The following TMTC2 variants were observed in gnomAD, a reference collection of about 807,000 sequenced individuals.
The protein encoded by TMTC2 is protein O-mannosyl-transferase TMTC2.
A neutral mutation model predicts 82.4 loss-of-function variants in TMTC2; 43 were observed. That is an observed-to-expected ratio of 0.52 (90% confidence interval 0.41 to 0.67). The LOEUF is 0.67. TMTC2 is among the 30% of genes least tolerant of loss of function. The pLI is 0.00. For synonymous variants in TMTC2, 408 were observed against 381.9 expected (o/e 1.07, Z -0.80); for missense variants, 919 against 1,012.4 (o/e 0.91, Z 1.25).
chr12:83,088,966 T>C (rs1277067198), intron 11 of TMTC2, among the ~76,000 whole-genome samples: 2 of 152,188 alleles, frequency 1.3e-5, no homozygotes, highest in Non-Finnish European at 2.9e-5. Flanking sequence ...AGAAAATACC[T>C]TTTTAGTTAG....
At chr12:83,072,500 G>A (rs1345095656) in intron 11 of TMTC2, among the ~76,000 whole-genome samples, 1 of 152,126 alleles carries the variant, frequency 6.6e-6, no homozygotes, top group Non-Finnish European at 1.5e-5. Context: ...GTAATGTTCT[G>A]TATATATCTG....
rs181511506 is a variant in TMTC2, at chr12:82,869,850, T to A, written c.654+12270T>A. ...TGAGACCCTGTCTCAAAAAAAAAAA[T>A]AAATAAAAAATAAAAATAAAAAAAA... On this transcript the variant is annotated intron_variant, in intron 2 of 11. Transcript: ENST00000321196. Among the ~76,000 whole-genome samples, 1,041 of 148,432 alleles carry A rather than the reference T, an allele frequency of 7.0e-3. 14 individuals are homozygous for A. The highest frequency in any genetic ancestry group is 0.024 in the African/African-American group (979 of 40,268).
chr12:83,119,833 A>G (rs1884891443), intron 11 of TMTC2, among the ~76,000 whole-genome samples: 1 of 152,112 alleles, frequency 6.6e-6, no homozygotes, highest in Admixed American at 6.5e-5. Context: ...GTGTAAGTGC[A>G]TATATGTTTA....
chr12:83,118,334 A>AAT (rs1353018278), intron 11 of TMTC2, among the ~76,000 whole-genome samples: 3 of 152,088 alleles, frequency 2.0e-5, no homozygotes, highest in African/African-American at 7.2e-5. Context: ...TACTACATTG[A>AAT]GGTATGTCCT....
intron 1 of TMTC2, among the ~76,000 whole-genome samples, chr12:82,740,080 T>C (rs1875320396): frequency 6.6e-6 from 1 of 152,130 alleles, no homozygotes; most frequent in Non-Finnish European, 1.5e-5. Flanking sequence ...CAATTGAATA[T>C]ATATTCAGAT....
At chr12:82,959,883 C>G (rs184365465) in intron 4 of TMTC2, among the ~76,000 whole-genome samples, 1 of 130,096 alleles carries the variant, frequency 7.7e-6, no homozygotes, top group East Asian at 1.9e-4. Context: ...ACAGAGTAAA[C>G]AGACAGCCTA....
chr12:82,988,009 C>T (rs1879239744), intron 8 of TMTC2, among the ~76,000 whole-genome samples: 1 of 152,130 alleles, frequency 6.6e-6, no homozygotes, highest in African/African-American at 2.4e-5. Flanking sequence ...AAAACTTTTG[C>T]TGAAGAAGTT....
intron 1 of TMTC2, chr12:82,690,484 A>G (rs1440490437): frequency 1.5e-5 from 13 of 857,976 alleles, no homozygotes; most frequent in Non-Finnish European, 1.8e-5. Flanking sequence ...TATAAACTAT[A>G]TATAATTTCT....
chr12:83,017,777 C>T (rs532433120), intron 8 of TMTC2, among the ~76,000 whole-genome samples: 37 of 149,460 alleles, frequency 2.5e-4, no homozygotes, highest in Middle Eastern at 6.8e-3. Flanking sequence ...TGCAACCAGT[C>T]ATGTTCAGTT....
intron 4 of TMTC2, among the ~76,000 whole-genome samples, chr12:82,947,567 T>C (rs1381945699): frequency 6.6e-6 from 1 of 151,544 alleles, no homozygotes; most frequent in East Asian, 1.9e-4. Flanking sequence ...CCTGACCTGG[T>C]GATCCGCCTG....
chr12:83,092,553 G>A (rs1288373605), intron 11 of TMTC2, among the ~76,000 whole-genome samples: 1 of 152,120 alleles, frequency 6.6e-6, no homozygotes, highest in East Asian at 1.9e-4. Flanking sequence ...GAAAGAAAAG[G>A]AAACCAGATT....
chr12:83,036,420 A>G (rs1881663974), intron 9 of TMTC2, among the ~76,000 whole-genome samples: 1 of 150,910 alleles, frequency 6.6e-6, no homozygotes, highest in South Asian at 2.1e-4. Context: ...TTAGAATGCT[A>G]CTACTGTACA....
At chr12:83,103,710 A>G (rs569656125) in intron 11 of TMTC2, among the ~76,000 whole-genome samples, 14 of 152,200 alleles carry the variant, frequency 9.2e-5, no homozygotes, top group Non-Finnish European at 2.1e-4. Context: ...CCCAAATTTC[A>G]TGTCCTTCTC....
intron 3 of TMTC2, among the ~76,000 whole-genome samples, chr12:82,912,806 T>TGC (rs1161620460): frequency 3.3e-5 from 5 of 151,866 alleles, no homozygotes; most frequent in African/African-American, 1.2e-4. Context: ...AGTGTGGTGG[T>TGC]GCATACCTGT....
chr12:82,792,141 C>A (rs1006541486), intron 1 of TMTC2, among the ~76,000 whole-genome samples: 11 of 152,012 alleles, frequency 7.2e-5, no homozygotes, highest in Non-Finnish European at 1.6e-4. Context: ...TCAGATGTGT[C>A]CACTTTTGCT....
chr12:83,014,252 T>G (rs1880577626), intron 8 of TMTC2, among the ~76,000 whole-genome samples: 1 of 152,182 alleles, frequency 6.6e-6, no homozygotes, highest in Admixed American at 6.5e-5. Flanking sequence ...AACCTCTGCC[T>G]TCTGCACTCA....
At chr12:82,885,741 A>C (rs1437585085) in intron 2 of TMTC2, among the ~76,000 whole-genome samples, 1 of 152,136 alleles carries the variant, frequency 6.6e-6, no homozygotes, top group Admixed American at 6.5e-5. Flanking sequence ...ACAAGGGTAC[A>C]TACTGTCAAC....
chr12:82,860,049 C>T (rs1871459391), intron 2 of TMTC2, among the ~76,000 whole-genome samples: 1 of 152,176 alleles, frequency 6.6e-6, no homozygotes, highest in Non-Finnish European at 1.5e-5. Context: ...TCTCAGCTCA[C>T]TGCAACCTCT....
At chr12:82,924,029 G>A (rs74106185) in intron 3 of TMTC2, among the ~76,000 whole-genome samples, 10,100 of 152,256 alleles carry the variant, frequency 0.066, 1,093 homozygotes, top group African/African-American at 0.23. Context: ...GATAAACACA[G>A]CATTGTGGAG....
Sources: gnomAD v4.1 joint callset for allele counts (sites outside exome capture counted in the v4.1 genomes callset) on GRCh38, gnomAD v4.1.1 for gene constraint, MANE v1.5 for transcripts, NCBI Gene and HGNC (gene_info 2026-07-23, HGNC 2026-07-21) for gene names.